Variants in MGAT4C observed in about 807,000 individuals in gnomAD.
MGAT4C encodes the protein MGAT4 family member C, also known as alpha-1,3-mannosyl-glycoprotein 4-beta-N-acetylglucosaminyltransferase C.
Under a neutral mutation model 40.1 loss-of-function variants are expected in MGAT4C, and 19 were observed. The ratio of observed to expected loss-of-function variants is 0.47; its 90% CI spans 0.33 to 0.70. The LOEUF (loss-of-function observed/expected upper bound fraction) is 0.70, where lower values mean the gene tolerates loss of function less well. Among genes scored for constraint, MGAT4C ranks in the 30% least tolerant of loss-of-function variants. The pLI is 0.02. For missense variants in MGAT4C, 491 were observed against 563.2 expected (o/e 0.87, Z 1.30); for synonymous variants, 181 against 187.1 (o/e 0.97, Z 0.27).
At chr12:86,001,654 T>A (rs1887312699) in intron 2 of MGAT4C, 1 of 983,416 alleles carries the variant, frequency 1.0e-6, no homozygotes, top group Non-Finnish European at 1.2e-6. Flanking sequence ...TGTTTCTTTT[T>A]GTAAGAAGTT....
intron 3 of MGAT4C, among the ~76,000 whole-genome samples, chr12:86,381,113 A>T (rs1955919573): frequency 6.6e-6 from 1 of 152,136 alleles, no homozygotes; most frequent in South Asian, 2.1e-4. Context: ...TCAAAAAGTG[A>T]AATATAAAAA....
chr12:86,787,614 A>G (rs1951954829), intron 1 of MGAT4C, among the ~76,000 whole-genome samples: 2 of 152,276 alleles, frequency 1.3e-5, no homozygotes, highest in East Asian at 3.9e-4. Flanking sequence ...TAAAAAGTCA[A>G]AAAACAACAG....
intron 2 of MGAT4C, among the ~76,000 whole-genome samples, chr12:86,026,020 A>G (rs1359514826): frequency 6.6e-6 from 1 of 151,780 alleles, no homozygotes; most frequent in African/African-American, 2.4e-5. Flanking sequence ...AATACTATAG[A>G]TACATCCTGC....
At chr12:86,678,643 T>C (rs1429579558) in intron 2 of MGAT4C, among the ~76,000 whole-genome samples, 1 of 141,098 alleles carries the variant, frequency 7.1e-6, no homozygotes, top group Non-Finnish European at 1.5e-5. Context: ...TGTGTTCTCA[T>C]TGTTCAATTC....
chr12:86,808,923 C>A (rs1224693814), intron 1 of MGAT4C, among the ~76,000 whole-genome samples: 2 of 152,088 alleles, frequency 1.3e-5, no homozygotes, highest in African/African-American at 4.8e-5. Context: ...TGGTAAGCAA[C>A]TTCACCAAAG....
chr12:86,825,132 A>G (rs1204909837), intron 1 of MGAT4C, among the ~76,000 whole-genome samples: 1 of 151,234 alleles, frequency 6.6e-6, no homozygotes, highest in Non-Finnish European at 1.5e-5. Flanking sequence ...GAAGAAATAG[A>G]AGGTATGTAC....
intron 3 of MGAT4C, among the ~76,000 whole-genome samples, chr12:86,384,811 T>A (rs1956020986): frequency 6.6e-6 from 1 of 152,176 alleles, no homozygotes. Flanking sequence ...TAAGTTCGTA[T>A]CTTCTACTCC....
intron 2 of MGAT4C, among the ~76,000 whole-genome samples, chr12:86,721,874 G>C (rs1950743106): frequency 6.6e-6 from 1 of 152,044 alleles, no homozygotes; most frequent in Non-Finnish European, 1.5e-5. Flanking sequence ...ATGTTTTAAA[G>C]GAAAATATTC....
intron 1 of MGAT4C, among the ~76,000 whole-genome samples, chr12:86,205,865 G>A (rs996815808): frequency 1.3e-5 from 2 of 151,258 alleles, no homozygotes; most frequent in Admixed American, 1.3e-4. Context: ...CGTGTTTTTA[G>A]TTATTTCAGT....
intron 3 of MGAT4C, among the ~76,000 whole-genome samples, chr12:86,353,437 T>C (rs61950738): frequency 0.085 from 12,914 of 152,200 alleles, 760 homozygotes; most frequent in Middle Eastern, 0.22. Flanking sequence ...TATTCTCCCA[T>C]CTCTTCTGGC....
chr12:86,684,530 C>G (rs1950037456), intron 2 of MGAT4C, among the ~76,000 whole-genome samples: 1 of 152,170 alleles, frequency 6.6e-6, no homozygotes, highest in South Asian at 2.1e-4. Context: ...GATTTATAAT[C>G]CCTTGGGTAT....
chr12:86,754,110 G>T (rs1565966306), intron 1 of MGAT4C, among the ~76,000 whole-genome samples: 1 of 152,066 alleles, frequency 6.6e-6, no homozygotes, highest in Non-Finnish European at 1.5e-5. Context: ...GCAGATGAAA[G>T]AATACATAAT....
intron 2 of MGAT4C, among the ~76,000 whole-genome samples, chr12:86,439,326 C>T (rs753811315): frequency 1.3e-4 from 19 of 151,830 alleles, no homozygotes; most frequent in Non-Finnish European, 1.8e-4. Flanking sequence ...CAAAGGAATC[C>T]TCAAAACTAT....
At chr12:86,587,895 C>G (rs530620394) in intron 2 of MGAT4C, among the ~76,000 whole-genome samples, 1 of 151,966 alleles carries the variant, frequency 6.6e-6, no homozygotes, top group African/African-American at 2.4e-5. Context: ...CATGTGCAAA[C>G]AGGGACAATT....
intron 1 of MGAT4C, among the ~76,000 whole-genome samples, chr12:86,126,070 A>C (rs1880206967): frequency 6.6e-6 from 1 of 152,040 alleles, no homozygotes; most frequent in South Asian, 2.1e-4. Context: ...TGAAAAGACA[A>C]GGATTTCCAG....
At chr12:86,616,087 T>A (rs1198825135) in intron 2 of MGAT4C, among the ~76,000 whole-genome samples, 1 of 152,122 alleles carries the variant, frequency 6.6e-6, no homozygotes, top group African/African-American at 2.4e-5. Flanking sequence ...ATGTACACAA[T>A]GCCTTGAGTG....
chr12:86,386,334 T>A (rs1956051181), intron 3 of MGAT4C, among the ~76,000 whole-genome samples: 1 of 151,534 alleles, frequency 6.6e-6, no homozygotes, highest in South Asian at 2.1e-4. Flanking sequence ...CAGAGAAGAG[T>A]AGTGTGTTTG....
chr12:86,602,607 A>G (rs535515401), intron 2 of MGAT4C, among the ~76,000 whole-genome samples: 2 of 152,292 alleles, frequency 1.3e-5, no homozygotes, highest in South Asian at 4.1e-4. Context: ...ACAAATCTGA[A>G]AAGCAATTTC....
intron 3 of MGAT4C, among the ~76,000 whole-genome samples, chr12:86,413,364 A>G (rs967988643): frequency 6.6e-6 from 1 of 152,212 alleles, no homozygotes; most frequent in African/African-American, 2.4e-5. Flanking sequence ...ATGAAACAAG[A>G]TGTTGAGCCT....
Sources: gnomAD v4.1 joint callset for allele counts (sites outside exome capture counted in the v4.1 genomes callset) on GRCh38, gnomAD v4.1.1 for gene constraint, MANE v1.5 for transcripts, NCBI Gene and HGNC (gene_info 2026-07-23, HGNC 2026-07-21) for gene names.